Variants in TFDP2 observed in about 807,000 individuals in gnomAD.
TFDP2 encodes the protein transcription factor Dp-2, also known as transcription factor Dp-2 (E2F dimerization partner 2).
Under a neutral mutation model 59.3 loss-of-function variants are expected in TFDP2, and 17 were observed. The ratio of observed to expected loss-of-function variants is 0.29; its 90% confidence interval spans 0.20 to 0.43. The LOEUF (loss-of-function observed/expected upper bound fraction) is 0.43, where lower values mean the gene tolerates loss of function less well. TFDP2 is among the 20% of genes least tolerant of loss of function. TFDP2 has a pLI of 1.00. For synonymous variants in TFDP2, 180 were observed against 194.7 expected (o/e 0.92, Z 0.63); for missense variants, 391 against 528.8 (o/e 0.74, Z 2.56).
At position 141,987,250 on chromosome 3, in the gene TFDP2, T is replaced by C. The variant is rs554748482; in HGVS notation, c.356+6288A>G. Among the ~76,000 whole-genome samples, 34 of 150,324 alleles carry C rather than the reference T, an allele frequency of 2.3e-4. No individual in the cohort carries two copies. The South Asian group carries it at 6.2e-3, about 27-fold the overall frequency. On this transcript the variant is annotated intron_variant, in intron 6 of 12. Coordinates refer to ENST00000489671, the MANE Select transcript of TFDP2 (RefSeq NM_001178139.2). Reference sequence around the variant, plus strand: ...GCTTTTTATTCACTACTAAATGTAATGTTTGCTGTCAGATTTGTGTGTGTG... The same window carrying C: ...GCTTTTTATTCACTACTAAATGTAACGTTTGCTGTCAGATTTGTGTGTGTG...
In TFDP2 at chr3:142,101,844, G is replaced by T. The variant is rs2061326527; in HGVS notation, c.-92-3C>A. ...CAATAATTCTTTAAAAGAACAACCT[G>T]TTAAAGGAAAACAGAGGGAATAGTA... On this transcript the variant is annotated splice_region_variant and splice_polypyrimidine_tract_variant and intron_variant, in intron 1 of 12. Coordinates refer to ENST00000489671, the MANE Select transcript of TFDP2 (RefSeq NM_001178139.2). The T allele has an allele frequency of 1.5e-6, 1 of 681,938 alleles. No homozygotes were observed. Among genetic ancestry groups the T allele is most frequent in the Non-Finnish European group, 2.2e-6 (1 of 444,746 alleles). 42.2% of individuals were successfully genotyped at this position (681,938 alleles called of 1,614,324 possible). A position where few individuals can be genotyped will look rare whatever the true frequency, so the allele number is the denominator to read the frequency against.
At chr3:141,983,303 T>C (rs1366757638) in intron 6 of TFDP2, among the ~76,000 whole-genome samples, 1 of 152,122 alleles carries the variant, frequency 6.6e-6, no homozygotes, top group Non-Finnish European at 1.5e-5. Context: ...CAAAAGGCTA[T>C]ATAAAGAATT....
intron 3 of TFDP2, among the ~76,000 whole-genome samples, chr3:142,014,124 C>T (rs541893395): frequency 6.6e-6 from 1 of 152,062 alleles, no homozygotes; most frequent in Admixed American, 6.6e-5. Context: ...ACAAGCTAAC[C>T]TATTGCCCAA....
At chr3:141,983,910 CAA>C (rs1274760910) in intron 6 of TFDP2, among the ~76,000 whole-genome samples, 1 of 151,948 alleles carries the variant, frequency 6.6e-6, no homozygotes, top group African/African-American at 2.4e-5. Context: ...GGCAATTTCT[CAA>C]AAAAAGTAAA....
chr3:142,072,961 C>G (rs2060297087), intron 3 of TFDP2, among the ~76,000 whole-genome samples: 1 of 152,168 alleles, frequency 6.6e-6, no homozygotes, highest in Non-Finnish European at 1.5e-5. Context: ...CCTTCCAAAG[C>G]CTATGATGCA....
chr3:141,960,356 A>G (rs1372112444), intron 10 of TFDP2, among the ~76,000 whole-genome samples: 1 of 152,250 alleles, frequency 6.6e-6, no homozygotes, highest in Non-Finnish European at 1.5e-5. Context: ...GAGGCTAAGG[A>G]GTAAAATGTT....
intron 3 of TFDP2, among the ~76,000 whole-genome samples, chr3:142,030,882 A>G (rs1435183300): frequency 1.3e-5 from 2 of 150,076 alleles, no homozygotes; most frequent in Non-Finnish European, 3.0e-5. Flanking sequence ...AGCTGGGACT[A>G]CAGGCGCCCG....
chr3:141,983,186 A>T (rs1941670852), intron 6 of TFDP2, among the ~76,000 whole-genome samples: 1 of 152,246 alleles, frequency 6.6e-6, no homozygotes, highest in South Asian at 2.1e-4. Flanking sequence ...AGGTTAAAAG[A>T]GTCAACACCT....
At chr3:142,147,232 A>AT (rs1382174363) in intron 1 of TFDP2, among the ~76,000 whole-genome samples, 1 of 152,204 alleles carries the variant, frequency 6.6e-6, no homozygotes, top group African/African-American at 2.4e-5. Flanking sequence ...TGTATCCCAG[A>AT]TTAAAACGGA....
At chr3:142,090,203 C>T (rs1254387748) in intron 3 of TFDP2, among the ~76,000 whole-genome samples, 6 of 152,124 alleles carry the variant, frequency 3.9e-5, no homozygotes, top group African/African-American at 1.4e-4. Flanking sequence ...TGACACATGC[C>T]TGTAGTCTCA....
At chr3:142,070,641 T>C (rs999480965) in intron 3 of TFDP2, among the ~76,000 whole-genome samples, 4 of 152,216 alleles carry the variant, frequency 2.6e-5, no homozygotes, top group Admixed American at 2.6e-4. Context: ...TACATATGTG[T>C]AAGAACTGTT....
intron 1 of TFDP2, among the ~76,000 whole-genome samples, chr3:142,132,440 A>G (rs955524289): frequency 1.3e-5 from 2 of 149,918 alleles, no homozygotes; most frequent in African/African-American, 5.1e-5. Flanking sequence ...ACATCTTTTA[A>G]AAAACAATGT....
In TFDP2 at chr3:142,060,616, G is replaced by A. The variant is rs546077693; in HGVS notation, c.82+32445C>T. Among the ~76,000 whole-genome samples the A allele has an allele frequency of 2.6e-5, 4 of 152,216 alleles. No individual in the cohort carries two copies. In the East Asian group the frequency reaches 7.7e-4, roughly 29 times the overall value. The stretch of plus-strand genomic sequence containing the variant: ...AAATTATACTTAAATATATAAAAAT[G>A]TGTGTGTGGAGGGGGGCAGTTTTTG... On this transcript the variant is annotated intron_variant, in intron 3 of 12. Transcript: ENST00000489671.
Position 142,079,108 on chromosome 3 carries a change from G to A in TFDP2, c.82+13953C>T, listed in dbSNP as rs565174920. Among the ~76,000 whole-genome samples, 29 of 152,008 alleles carry A rather than the reference G, an allele frequency of 1.9e-4. No homozygotes were observed. In the East Asian group the frequency reaches 5.0e-3, roughly 26 times the overall value. The stretch of plus-strand genomic sequence containing the variant: ...GGCTATTTGAAAATACACAGTCCCA[G>A]CCTGGCCAACCTGGTGAAGCCCCAT... On this transcript the variant is annotated intron_variant, in intron 3 of 12. Transcript: ENST00000489671.
At chr3:142,115,586 G>A (rs2108682027) in intron 1 of TFDP2, among the ~76,000 whole-genome samples, 1 of 152,250 alleles carries the variant, frequency 6.6e-6, no homozygotes. Flanking sequence ...CCAAAGTACT[G>A]GGATTACAGG....
chr3:141,969,174 A>C (rs1939217573), intron 9 of TFDP2, among the ~76,000 whole-genome samples: 1 of 101,856 alleles, frequency 9.8e-6, no homozygotes, highest in South Asian at 2.8e-4. Flanking sequence ...ACATATATAT[A>C]TATCTCATAT....
intron 3 of TFDP2, among the ~76,000 whole-genome samples, chr3:142,034,189 A>C (rs1946569650): frequency 6.9e-6 from 1 of 145,070 alleles, no homozygotes; most frequent in Non-Finnish European, 1.5e-5. Context: ...TCCGCCTCCC[A>C]GGTTCAAGCA....
At chr3:141,969,605 A>G (rs1309557981) in intron 9 of TFDP2, among the ~76,000 whole-genome samples, 1 of 152,014 alleles carries the variant, frequency 6.6e-6, no homozygotes, top group Non-Finnish European at 1.5e-5. Flanking sequence ...AGTGAGACTC[A>G]GTCTCAAAAA....
chr3:141,989,677 G>A (rs374684734), intron 6 of TFDP2, among the ~76,000 whole-genome samples: 1 of 151,952 alleles, frequency 6.6e-6, no homozygotes, highest in East Asian at 1.9e-4. Flanking sequence ...TGCTTTCTAC[G>A]CAGGTCAACT....
Sources: allele counts gnomAD v4.1 joint callset (sites outside exome capture counted in the v4.1 genomes callset), GRCh38; gene constraint gnomAD v4.1.1; transcripts MANE v1.5; gene names NCBI Gene and HGNC (gene_info 2026-07-23, HGNC 2026-07-21).